The following LONP1 variants were observed in gnomAD, a reference collection of about 807,000 sequenced individuals.
The protein encoded by LONP1 is lon protease homolog, mitochondrial.
Under a neutral mutation model 98.5 loss-of-function variants are expected in LONP1, and 31 were observed. The ratio of observed to expected loss-of-function variants is 0.31; its 90% CI spans 0.24 to 0.42. The LOEUF is 0.42. LONP1 is among the 20% of genes least tolerant of loss of function. The pLI, the probability that LONP1 is intolerant of heterozygous loss-of-function variation, is 1.00. For synonymous variants in LONP1, 781 were observed against 594.7 expected (o/e 1.31, Z -4.56); for missense variants, 1,336 against 1,350.6 (o/e 0.99, Z 0.17).
rs369128618 is a variant in LONP1, at chr19:5,705,854, C to G, written c.1285G>C (p.Val429Leu). 2 of 1,614,198 alleles carry G rather than the reference C, an allele frequency of 1.2e-6. No homozygotes were observed. Among genetic ancestry groups the G allele is most frequent in the Middle Eastern group, 1.6e-4 (1 of 6,062 alleles). Reference protein sequence around the residue: ...EKFRERLKELVVPKHVMDVVD... With the variant: ...EKFRERLKELLVPKHVMDVVD... ...ACATCCATGACGTGCTTGGGGACCACGAGCTCCTTCAGGCGCTCCCGGAAC... is the reference window on the plus strand; with the variant it reads ...ACATCCATGACGTGCTTGGGGACCAGGAGCTCCTTCAGGCGCTCCCGGAAC... The change falls in exon 8 of 18, where the codon GTG (valine) becomes CTG (leucine). Residue 429 changes from valine to leucine, a missense_variant. Val to Leu is a conservative substitution (Grantham distance 32). Transcript: ENST00000360614.
Position 5,707,103 on chromosome 19 carries a change from T to G in LONP1, c.1103A>C (p.Lys368Thr). The G allele has an allele frequency of 6.2e-7, 1 of 1,613,144 alleles. No homozygotes were observed. ...CTGCAGCTTGCTCAGTTCAAATTCCTTCTTCAGCAGGGAGAGGGCCTTGTA... is the reference window on the plus strand; with the variant it reads ...CTGCAGCTTGCTCAGTTCAAATTCCGTCTTCAGCAGGGAGAGGGCCTTGTA... ...RLYKALSLLKKEFELSKLQQR... is the reference protein window; with the variant it reads ...RLYKALSLLKTEFELSKLQQR... Residue 368 changes from lysine to threonine, a missense_variant, in exon 7 of 18, where the codon AAG becomes ACG. Lys to Thr is a moderately conservative substitution (Grantham distance 78). Around this residue, in one of 5 missense-constraint regions of LONP1, gnomAD observed 97 missense variants for 139.0 expected, o/e 0.70. Coordinates refer to ENST00000360614, the MANE Select transcript of LONP1 (RefSeq NM_004793.4).
At chr19:5,711,320 G>A (rs1045086436) in intron 4 of LONP1, among the ~76,000 whole-genome samples, 2 of 152,194 alleles carry the variant, frequency 1.3e-5, no homozygotes, top group African/African-American at 4.8e-5. Context: ...TGCCCACCTC[G>A]GAAGCTGACT....
At chr19:5,697,209 T>G (rs772830248) in intron 10 of LONP1, among the ~76,000 whole-genome samples, 1 of 151,886 alleles carries the variant, frequency 6.6e-6, no homozygotes, top group African/African-American at 2.4e-5. Context: ...GACAGAAGAA[T>G]CCCAGGCCCC....
chr19:5,716,951 T>C (rs746783213), intron 1 of LONP1, among the ~76,000 whole-genome samples: 11 of 151,858 alleles, frequency 7.2e-5, no homozygotes, highest in Non-Finnish European at 1.3e-4. Flanking sequence ...CCACCACCAC[T>C]CCAGGCTAAT....
At chr19:5,717,875 C>A (rs544761920) in intron 1 of LONP1, among the ~76,000 whole-genome samples, 3 of 150,586 alleles carry the variant, frequency 2.0e-5, no homozygotes, top group Non-Finnish European at 1.5e-5. Flanking sequence ...CCACTGTGCC[C>A]GGCTTTTCTT....
intron 10 of LONP1, 97 bp from the exon 11 acceptor site, chr19:5,696,854 G>C (rs947092548): frequency 1.3e-6 from 1 of 761,346 alleles, no homozygotes; most frequent in African/African-American, 1.7e-5. Flanking sequence ...AGGCCACCTG[G>C]AGCCCCACAA....
At chr19:5,711,535 C>T (rs979641017) in intron 4 of LONP1, among the ~76,000 whole-genome samples, 1 of 152,192 alleles carries the variant, frequency 6.6e-6, no homozygotes, top group Non-Finnish European at 1.5e-5. Flanking sequence ...CTGTCTCCTT[C>T]CTGAGCAGCT....
chr19:5,697,747 CTCCTG>C (rs199890894), intron 10 of LONP1, among the ~76,000 whole-genome samples: 1 of 146,808 alleles, frequency 6.8e-6, no homozygotes, highest in Non-Finnish European at 1.5e-5. Context: ...CGCAGCCAGT[CTCCTG>C]TCCTTGTCCT....
At chr19:5,719,676 C>T (rs971858982) in intron 1 of LONP1, 28 bp downstream of exon 1, 1 of 1,613,536 alleles carries the variant, frequency 6.2e-7, no homozygotes, top group South Asian at 1.1e-5. Context: ...GGTGGGAAAC[C>T]TGAGGCCGAG....
intron 4 of LONP1, among the ~76,000 whole-genome samples, chr19:5,710,152 C>T (rs572060918): frequency 4.0e-5 from 6 of 150,080 alleles, no homozygotes; most frequent in Non-Finnish European, 8.9e-5. Context: ...AGTGCAATCT[C>T]GGCTCACCGC....
At chr19:5,708,495 C>T (rs1388205113) in intron 4 of LONP1, 92 bp from the exon 5 acceptor site, 1 of 1,162,422 alleles carries the variant, frequency 8.6e-7, no homozygotes, top group Non-Finnish European at 1.2e-6. Context: ...CCCCACCCAC[C>T]AGCTCCATCA....
Position 5,702,375 on chromosome 19 carries a change from G to A in LONP1, c.1368-1448C>T, listed in dbSNP as rs544679378. On this transcript the variant is annotated intron_variant, in intron 8 of 17. Coordinates refer to ENST00000360614, the MANE Select transcript of LONP1 (RefSeq NM_004793.4). Reference sequence around the variant, plus strand: ...AGGTGGGGGGGTCAGCCCCCCGCCCGGCCAGCCGCCCCGTCCGGGAGGTGA... The same window carrying A: ...AGGTGGGGGGGTCAGCCCCCCGCCCAGCCAGCCGCCCCGTCCGGGAGGTGA... 1.6e-3 allele frequency among the ~76,000 whole-genome samples: 244 copies of A among 147,882 alleles called. 2 individuals carry two copies. In the South Asian group the frequency reaches 0.024, roughly 15 times the overall value.
At chr19:5,697,618 C>T (rs1484442554) in intron 10 of LONP1, among the ~76,000 whole-genome samples, 5 of 149,596 alleles carry the variant, frequency 3.3e-5, no homozygotes. Flanking sequence ...TGGGGCAGGT[C>T]ATGCGGGGTC....
Position 5,696,384 on chromosome 19 carries a change from ACAG to A in LONP1, c.1774-16_1774-14del. The A allele has an allele frequency of 6.2e-7, 1 of 1,611,766 alleles. No homozygotes were observed. Among genetic ancestry groups the A allele is most frequent in the Middle Eastern group, 1.7e-4 (1 of 6,038 alleles). ...CGATCTTGTCCACCTGGGGCAGCAG[ACAG>A]CAGGTGGTGCCCCTCGCCGTGCCCC... On this transcript the variant is annotated splice_polypyrimidine_tract_variant and intron_variant, in intron 11 of 17. Coordinates refer to ENST00000360614, the MANE Select transcript of LONP1 (RefSeq NM_004793.4).
intron 13 of LONP1, 67 bp from the exon 14 acceptor site, chr19:5,694,968 G>A (rs1463135303): frequency 8.5e-6 from 13 of 1,533,902 alleles, no homozygotes; most frequent in South Asian, 3.6e-5. Context: ...TAGAACCTGG[G>A]AGCCAATGCC....
chr19:5,694,897 T>A lies in LONP1; in HGVS notation c.2018A>T (p.Tyr673Phe), dbSNP rs1392937797. The change falls in exon 14 of 18, where the codon TAC becomes TTC. Residue 673 changes from tyrosine (Y) to phenylalanine (F), a missense_variant. Transcript: ENST00000360614. ...CAGGGCGCGAGCCTGGGGCACCAGG[T>A]AGCGCTGCAAGGGCAACCGTCAGGG... Reference protein sequence around the residue: ...AQEKLAIAERYLVPQARALCG... With the variant: ...AQEKLAIAERFLVPQARALCG... 1.9e-6 allele frequency: 3 copies of A among 1,593,658 alleles called. No individual in the cohort carries two copies. The highest frequency in any genetic ancestry group is 2.6e-6 in the Non-Finnish European group (3 of 1,164,208).
At position 5,700,850 on chromosome 19, in the gene LONP1, C is replaced by T. The variant is rs778149325; in HGVS notation, c.1445G>A (p.Arg482Gln). 48 of 1,614,072 alleles carry T rather than the reference C, an allele frequency of 3.0e-5. No homozygotes were observed. The highest frequency in any genetic ancestry group is 8.9e-5 in the East Asian group (4 of 44,892). ...GTCTTCCTCCAGCACTGCCTGTGCC[C>T]GCGCCAGGTCCAGGTTCTCGTTGCT... ...KYSNENLDLA[R>Q]AQAVLEEDHY... Residue 482 changes from arginine (R) to glutamine (Q), a missense_variant, in exon 9 of 18, where the codon CGG (arginine) becomes CAG (glutamine). Arg to Gln is a conservative substitution (Grantham distance 43). Transcript: ENST00000360614.
intron 2 of LONP1, among the ~76,000 whole-genome samples, chr19:5,713,552 A>G (rs1568327319): frequency 6.6e-6 from 1 of 152,094 alleles, no homozygotes; most frequent in Non-Finnish European, 1.5e-5. Context: ...CCTGCTTCGA[A>G]TGCATGCATG....
At chr19:5,714,150 TCAA>T in intron 2 of LONP1, 30 bp downstream of exon 2, 1 of 1,558,960 alleles carries the variant, frequency 6.4e-7, no homozygotes, top group Admixed American at 1.7e-5. Context: ...TAGGGCACCG[TCAA>T]CAAGGGAATG....
Sources: allele counts gnomAD v4.1 joint callset (sites outside exome capture counted in the v4.1 genomes callset), GRCh38; gene constraint gnomAD v4.1.1; regional missense constraint gnomAD v4.1.1; transcripts MANE v1.5; gene names NCBI Gene and HGNC (gene_info 2026-07-23, HGNC 2026-07-21).